Variants in OPCML observed in about 807,000 individuals in gnomAD.
OPCML encodes opioid-binding protein/cell adhesion molecule.
A neutral mutation model predicts 37.8 loss-of-function variants in OPCML; 13 were observed. The ratio of observed to expected loss-of-function variants is 0.34; its 90% CI spans 0.22 to 0.55. The LOEUF (loss-of-function observed/expected upper bound fraction) is 0.55. OPCML is among the 20% of genes least tolerant of loss of function. OPCML has a pLI of 0.91. For missense variants in OPCML, 341 were observed against 435.6 expected (o/e 0.78, Z 1.93); for synonymous variants, 176 against 168.8 (o/e 1.04, Z -0.33).
intron 1 of OPCML, among the ~76,000 whole-genome samples, chr11:133,527,036 T>G (rs1164494182): frequency 6.6e-6 from 1 of 152,178 alleles, no homozygotes; most frequent in Non-Finnish European, 1.5e-5. Context: ...CTTCCATATC[T>G]CTCTGTCTCC....
intron 4 of OPCML, among the ~76,000 whole-genome samples, chr11:132,481,405 C>A (rs988785415): frequency 4.7e-4 from 71 of 151,304 alleles, no homozygotes; most frequent in African/African-American, 1.7e-3. Context: ...ACAGGAGCAC[C>A]CAGATTCATA....
At chr11:133,531,843 G>A (rs942757906) in intron 1 of OPCML, among the ~76,000 whole-genome samples, 2 of 152,160 alleles carry the variant, frequency 1.3e-5, no homozygotes, top group South Asian at 2.1e-4. Context: ...AGACCACCAC[G>A]ACTGAGAGAG....
intron 1 of OPCML, among the ~76,000 whole-genome samples, chr11:133,055,506 A>G (rs907121760): frequency 1.3e-5 from 2 of 149,808 alleles, no homozygotes; most frequent in Admixed American, 6.6e-5. Context: ...GATACTTCCA[A>G]GTGGTGAGAC....
chr11:132,920,273 G>T (rs925569417), intron 2 of OPCML, among the ~76,000 whole-genome samples: 3 of 152,170 alleles, frequency 2.0e-5, no homozygotes, highest in Non-Finnish European at 4.4e-5. Flanking sequence ...GGAGTCTAAC[G>T]CAGTGACACT....
intron 2 of OPCML, among the ~76,000 whole-genome samples, chr11:132,784,904 C>G (rs759669713): frequency 1.3e-5 from 2 of 152,134 alleles, no homozygotes; most frequent in African/African-American, 4.8e-5. Flanking sequence ...GTCTGCAGAA[C>G]CATGAGTCAA....
chr11:132,798,803 T>C lies in OPCML; in HGVS notation c.147-141484A>G, dbSNP rs141791460. Among the ~76,000 whole-genome samples the C allele has an allele frequency of 1.2e-3, 180 of 152,380 alleles. 1 individual carries two copies. Among genetic ancestry groups the C allele is most frequent in the African/African-American group, 4.0e-3 (167 of 41,600 alleles). ...ATCTATGGCAGCAGAATGGGTGTTTTGTTAACAGGCATGAAAACAATATTC... is the reference window on the plus strand; with the variant it reads ...ATCTATGGCAGCAGAATGGGTGTTTCGTTAACAGGCATGAAAACAATATTC... On this transcript the variant is annotated intron_variant, in intron 2 of 7. Transcript: ENST00000524381.
chr11:132,931,763 A>G (rs1945210694), intron 2 of OPCML, among the ~76,000 whole-genome samples: 1 of 152,256 alleles, frequency 6.6e-6, no homozygotes, highest in South Asian at 2.1e-4. Flanking sequence ...TCCTCAAAAA[A>G]ATTAAACATA....
At chr11:132,470,509 A>G (rs1236396942) in intron 4 of OPCML, among the ~76,000 whole-genome samples, 1 of 152,178 alleles carries the variant, frequency 6.6e-6, no homozygotes, top group East Asian at 1.9e-4. Flanking sequence ...TCTACTAGAC[A>G]CTCAATAGAG....
chr11:133,390,068 C>T (rs1473084132), intron 1 of OPCML, among the ~76,000 whole-genome samples: 1 of 152,190 alleles, frequency 6.6e-6, no homozygotes, highest in Non-Finnish European at 1.5e-5. Context: ...ATGTAAGTCA[C>T]TGCTTACATT....
At chr11:132,782,020 T>G (rs962529817) in intron 2 of OPCML, among the ~76,000 whole-genome samples, 3 of 149,002 alleles carry the variant, frequency 2.0e-5, no homozygotes, top group Non-Finnish European at 3.0e-5. Context: ...AGTCATTTGA[T>G]TCAGAGAGGG....
In OPCML at chr11:132,943,812, C is replaced by T. The variant is rs1440371471; in HGVS notation, c.62-802G>A. 2 of 150,348 alleles carry T rather than the reference C, an allele frequency of 1.3e-5. No homozygotes were observed. The highest frequency in any genetic ancestry group is 3.0e-5 in the Non-Finnish European group (2 of 67,460). 9.3% of individuals were successfully genotyped at this position (150,348 alleles called of 1,614,324 possible). A position where few individuals can be genotyped will look rare whatever the true frequency, so the allele number is the denominator to read the frequency against. On this transcript the variant is annotated intron_variant, in intron 1 of 7. Transcript: ENST00000524381. The surrounding 1 kb of genome is among the most constrained non-coding windows in gnomAD (Gnocchi z 4.3). ...GAGCTGGGCGGACGGCGGCCCCCGC[C>T]TCCTCCGGGGACGCGGCACGAGACG...
chr11:132,746,309 T>TTTG (rs1347571873), intron 2 of OPCML, among the ~76,000 whole-genome samples: 4 of 150,918 alleles, frequency 2.7e-5, no homozygotes, highest in African/African-American at 9.9e-5. Flanking sequence ...TGTTTGTTTG[T>TTTG]TGTTTGTTTT....
intron 2 of OPCML, among the ~76,000 whole-genome samples, chr11:132,767,152 T>G (rs1946472223): frequency 6.6e-6 from 1 of 152,172 alleles, no homozygotes; most frequent in South Asian, 2.1e-4. Context: ...ATTCTGGAAA[T>G]TTTTCTATAA....
At chr11:132,609,735 T>G (rs1938526321) in intron 3 of OPCML, among the ~76,000 whole-genome samples, 1 of 152,182 alleles carries the variant, frequency 6.6e-6, no homozygotes, top group Admixed American at 6.5e-5. Context: ...GCTATCACCC[T>G]TTCATTCATA....
chr11:133,236,418 T>C (rs1244683274), intron 1 of OPCML, among the ~76,000 whole-genome samples: 2 of 152,212 alleles, frequency 1.3e-5, no homozygotes, highest in Non-Finnish European at 2.9e-5. Flanking sequence ...CAATTGACCA[T>C]GAGTATCCCA....
intron 2 of OPCML, among the ~76,000 whole-genome samples, chr11:132,823,703 T>C (rs1940129421): frequency 6.6e-6 from 1 of 152,182 alleles, no homozygotes; most frequent in Non-Finnish European, 1.5e-5. Context: ...AAGAATTCTA[T>C]ATATGCTTTG....
chr11:133,418,461 G>A (rs1945814484), intron 1 of OPCML: 3 of 985,354 alleles, frequency 3.0e-6, no homozygotes, highest in South Asian at 9.4e-5. Flanking sequence ...GGTGTTTCTA[G>A]TATCTGTGGT....
At chr11:132,622,464 T>G (rs1160395090) in intron 3 of OPCML, among the ~76,000 whole-genome samples, 2 of 151,968 alleles carry the variant, frequency 1.3e-5, no homozygotes, top group Non-Finnish European at 2.9e-5. Context: ...AAGGAAGAGG[T>G]GAAATGGCAG....
intron 2 of OPCML, among the ~76,000 whole-genome samples, chr11:132,883,382 G>A (rs920037146): frequency 9.9e-5 from 15 of 152,118 alleles, no homozygotes; most frequent in African/African-American, 2.9e-4. Flanking sequence ...GAACACACCC[G>A]CAAGAGAGCA....
Sources: gnomAD v4.1 joint callset for allele counts (sites outside exome capture counted in the v4.1 genomes callset) on GRCh38, gnomAD v4.1.1 for gene constraint, Gnocchi (gnomAD v3.1) non-coding constraint, MANE v1.5 for transcripts, NCBI Gene and HGNC (gene_info 2026-07-23, HGNC 2026-07-21) for gene names.